Variants in DNAH11 observed in about 807,000 individuals in gnomAD.
DNAH11 encodes the protein axonemal beta dynein heavy chain 11.
In DNAH11, 442 loss-of-function variants were observed where a neutral mutation model predicts 526.0. That is an observed-to-expected ratio of 0.84 (90% confidence interval 0.78 to 0.91). DNAH11 has a LOEUF of 0.91. Ranked by LOEUF, DNAH11 falls within the 40% of genes least tolerant of loss-of-function variation. DNAH11 has a pLI of 0.00. For missense variants in DNAH11, 6,989 were observed against 5,448.7 expected (o/e 1.28, Z -8.90); for synonymous variants, 2,461 against 1,935.9 (o/e 1.27, Z -7.12).
intron 73 of DNAH11, among the ~76,000 whole-genome samples, chr7:21,870,456 A>C (rs1408973947): frequency 1.3e-5 from 2 of 152,150 alleles, no homozygotes; most frequent in Admixed American, 6.5e-5. Flanking sequence ...AGTGTAGTGC[A>C]TCCCCTTCTG....
intron 12 of DNAH11, 73 bp downstream of exon 12, chr7:21,589,476 C>A: frequency 1.6e-6 from 2 of 1,276,602 alleles, no homozygotes; most frequent in South Asian, 1.5e-5. Flanking sequence ...TATTTCCAGT[C>A]ATTTGTAATT....
chr7:21,637,117 A>G (rs1045853585), intron 26 of DNAH11, among the ~76,000 whole-genome samples: 2 of 152,018 alleles, frequency 1.3e-5, no homozygotes, highest in Non-Finnish European at 2.9e-5. Context: ...TAGATTGTTT[A>G]TATCTCTCTC....
intron 73 of DNAH11, among the ~76,000 whole-genome samples, chr7:21,872,239 C>T (rs188407892): frequency 9.5e-4 from 142 of 149,910 alleles, no homozygotes; most frequent in Admixed American, 8.3e-3. Flanking sequence ...GGGGTTAAGA[C>T]TTCACCATAT....
intron 62 of DNAH11, among the ~76,000 whole-genome samples, chr7:21,802,251 T>C (rs1392213019): frequency 6.6e-6 from 1 of 152,192 alleles, no homozygotes; most frequent in Non-Finnish European, 1.5e-5. Context: ...ACTCCATTAG[T>C]CGTTAGAGAA....
Position 21,588,135 on chromosome 7 carries a change from A to ACT in DNAH11, c.1783_1784dup (p.Val596Ter). 1.2e-6 allele frequency: 2 copies of ACT among 1,613,376 alleles called. No homozygotes were observed. Among genetic ancestry groups the ACT allele is most frequent in the Non-Finnish European group, 1.7e-6 (2 of 1,179,566 alleles). On this transcript the variant is annotated frameshift_variant, in exon 10 of 82. Coordinates refer to ENST00000409508, the MANE Select transcript of DNAH11 (RefSeq NM_001277115.2). LOFTEE classifies it high-confidence loss of function. Reference sequence around the variant, plus strand: ...AAATTTTCAGCCTACATTACAGCACACTAGTGCATATGTTTAATACAGAGC... The same window carrying ACT: ...AAATTTTCAGCCTACATTACAGCACACTCTAGTGCATATGTTTAATACAGAGC...
At chr7:21,791,837 A>G (rs973003886) in intron 61 of DNAH11, among the ~76,000 whole-genome samples, 13 of 152,216 alleles carry the variant, frequency 8.5e-5, no homozygotes, top group African/African-American at 2.7e-4. Context: ...TCAGGAATAT[A>G]TAGTTGGGAA....
At chr7:21,826,410 G>GTAT in intron 65 of DNAH11, among the ~76,000 whole-genome samples, 1 of 152,050 alleles carries the variant, frequency 6.6e-6, no homozygotes, top group South Asian at 2.1e-4. Flanking sequence ...GTAAAAGTTG[G>GTAT]GAGAAAATAT....
chr7:21,720,767 G>A lies in DNAH11; in HGVS notation c.7177G>A (p.Val2393Ile), dbSNP rs369502213. The A allele has an allele frequency of 5.0e-6, 8 of 1,597,718 alleles. No homozygotes were observed. Among genetic ancestry groups the A allele is most frequent in the African/African-American group, 2.7e-5 (2 of 74,762 alleles). Residue 2393 changes from valine to isoleucine, a missense_variant, in exon 44 of 82, where the codon GTA becomes ATA. Transcript: ENST00000409508. ...LLECLLTPEN[V>I]PSDSPKEVYE... is the part of the protein sequence containing the mutation. ...GGAGTGCTTGCTGACTCCTGAAAAT[G>A]TACCTTCTGACAGCCCAAAAGAAGT...
At chr7:21,899,878 A>G (rs1784688210) in intron 80 of DNAH11, 102 bp from the exon 81 acceptor site, 3 of 1,428,684 alleles carry the variant, frequency 2.1e-6, no homozygotes, top group Non-Finnish European at 2.8e-6. Context: ...CAAGAACCTA[A>G]AACACCCTAT....
intron 65 of DNAH11, among the ~76,000 whole-genome samples, chr7:21,832,641 A>T (rs537712394): frequency 1.3e-5 from 2 of 152,312 alleles, no homozygotes; most frequent in Admixed American, 6.5e-5. Context: ...AGGAAGGAGC[A>T]TCGTTATATA....
chr7:21,795,914 A>C (rs1055199971), intron 61 of DNAH11, among the ~76,000 whole-genome samples: 1 of 152,202 alleles, frequency 6.6e-6, no homozygotes, highest in African/African-American at 2.4e-5. Flanking sequence ...AAAGATGAAT[A>C]GGTTTTCACC....
intron 65 of DNAH11, among the ~76,000 whole-genome samples, chr7:21,821,682 C>T (rs939650705): frequency 3.3e-5 from 5 of 152,086 alleles, no homozygotes; most frequent in South Asian, 2.1e-4. Context: ...ATATCTACCA[C>T]GTCAAACACT....
Position 21,864,390 on chromosome 7 carries a change from T to C in DNAH11, c.11374-145T>C, listed in dbSNP as rs568772158. On this transcript the variant is annotated intron_variant, in intron 69 of 81. Coordinates refer to ENST00000409508, the MANE Select transcript of DNAH11 (RefSeq NM_001277115.2). The stretch of plus-strand genomic sequence containing the variant: ...ATTGACATAATCTAAGATTCCCTAT[T>C]TCAACAGTAGAACAGATGTCAAGTG... The C allele has an allele frequency of 1.4e-5, 8 of 576,912 alleles. No individual in the cohort carries two copies. In the East Asian group the frequency reaches 2.5e-4, roughly 18 times the overall value. 35.7% of individuals were successfully genotyped at this position (576,912 alleles called of 1,614,324 possible). A position where few individuals can be genotyped will look rare whatever the true frequency, so the allele number is the denominator to read the frequency against.
At chr7:21,898,458 C>A (rs987219392) in intron 79 of DNAH11, among the ~76,000 whole-genome samples, 3 of 152,124 alleles carry the variant, frequency 2.0e-5, no homozygotes, top group Non-Finnish European at 4.4e-5. Context: ...CCTCATTCAC[C>A]CCCACTTCCT....
chr7:21,776,780 A>G (rs1787686744), intron 56 of DNAH11, among the ~76,000 whole-genome samples: 1 of 152,186 alleles, frequency 6.6e-6, no homozygotes, highest in African/African-American at 2.4e-5. Context: ...ATGATAATAG[A>G]TTCAGAAGAA....
intron 25 of DNAH11, among the ~76,000 whole-genome samples, chr7:21,632,059 G>A (rs1240315024): frequency 6.6e-6 from 1 of 152,180 alleles, no homozygotes; most frequent in East Asian, 1.9e-4. Context: ...TTGTGCACTG[G>A]CAGACTCAAC....
intron 50 of DNAH11, 105 bp downstream of exon 50, chr7:21,744,704 T>C (rs1333554768): frequency 9.5e-6 from 14 of 1,471,704 alleles, no homozygotes; most frequent in Middle Eastern, 4.0e-4. Context: ...GCTTACCTTT[T>C]TGCAATGGCT....
In DNAH11 at chr7:21,827,768, C is replaced by A. The variant is rs139878977; in HGVS notation, c.10691+9429C>A. Among the ~76,000 whole-genome samples, 25 of 152,070 alleles carry A rather than the reference C, an allele frequency of 1.6e-4. No individual in the cohort carries two copies. In the East Asian group the frequency reaches 4.4e-3, roughly 27 times the overall value. Reference sequence around the variant, plus strand: ...AGAATTGCTTTCAGTTAGCAGCTTTCCAGTTTATTAACTATTATTATGTTT... The same window carrying A: ...AGAATTGCTTTCAGTTAGCAGCTTTACAGTTTATTAACTATTATTATGTTT... On this transcript the variant is annotated intron_variant, in intron 65 of 81. Transcript: ENST00000409508.
intron 65 of DNAH11, among the ~76,000 whole-genome samples, chr7:21,819,393 A>T (rs1322114932): frequency 6.6e-6 from 1 of 152,176 alleles, no homozygotes; most frequent in Non-Finnish European, 1.5e-5. Flanking sequence ...AGTGACTGAC[A>T]ACTTATAATT....
Sources: gnomAD v4.1 joint callset for allele counts (sites outside exome capture counted in the v4.1 genomes callset) on GRCh38, gnomAD v4.1.1 for gene constraint, MANE v1.5 for transcripts, NCBI Gene and HGNC (gene_info 2026-07-23, HGNC 2026-07-21) for gene names.